Variants in UGT1A8 observed in about 807,000 individuals in gnomAD.
UGT1A8 encodes the protein UDP-glucuronosyltransferase 1A8.
Under a neutral mutation model 45.3 loss-of-function variants are expected in UGT1A8, and 39 were observed. The ratio of observed to expected loss-of-function variants is 0.86; its 90% CI spans 0.67 to 1.12. The LOEUF is 1.12. UGT1A8 is among the 50% of genes most tolerant of loss of function. The pLI, the probability that UGT1A8 is intolerant of heterozygous loss-of-function variation, is 0.00. For synonymous variants in UGT1A8, 275 were observed against 249.2 expected (o/e 1.10, Z -0.97); for missense variants, 719 against 664.9 (o/e 1.08, Z -0.90).
chr2:233,755,331 G>A (rs568550751), intron 1 of UGT1A8: 25 of 462,098 alleles, frequency 5.4e-5, no homozygotes, highest in Admixed American at 1.1e-4. Flanking sequence ...GCCAGCACCC[G>A]CGCACAGGTC....
At chr2:233,631,555 T>C (rs1238460773) in intron 1 of UGT1A8, among the ~76,000 whole-genome samples, 1 of 152,172 alleles carries the variant, frequency 6.6e-6, no homozygotes, top group African/African-American at 2.4e-5. Context: ...TGGTATCTCA[T>C]TGTGGTTTTG....
Position 233,772,833 on chromosome 2 carries a change from T to A in UGT1A8, c.*274T>A. The A allele has an allele frequency of 1.1e-6, 1 of 879,514 alleles. No homozygotes were observed. Among genetic ancestry groups the A allele is most frequent in the Non-Finnish European group, 1.6e-6 (1 of 630,664 alleles). The allele number at this position is 879,514 out of a possible 1,614,324, so 54.5% of individuals were successfully genotyped here. A position where few individuals can be genotyped will look rare whatever the true frequency, so the allele number is the denominator to read the frequency against. ...AGGACGTGCAGACAGGCTGGCATTC[T>A]AGATTACTTTTCTTACTCTGAAACA... On this transcript the variant is annotated 3_prime_UTR_variant, in exon 5 of 5. Coordinates refer to ENST00000373450, the MANE Select transcript of UGT1A8 (RefSeq NM_019076.5).
At chr2:233,656,107 T>C (rs1208871768) in intron 1 of UGT1A8, among the ~76,000 whole-genome samples, 1 of 152,128 alleles carries the variant, frequency 6.6e-6, no homozygotes, top group Non-Finnish European at 1.5e-5. Flanking sequence ...AACATACATA[T>C]TCACCAGGTT....
rs28898623 is a variant in UGT1A8, at chr2:233,737,700, C to T, written c.856-29334C>T. On this transcript the variant is annotated intron_variant, in intron 1 of 4. Coordinates refer to ENST00000373450, the MANE Select transcript of UGT1A8 (RefSeq NM_019076.5). ...ATTTGGCCATTGGTGCTGAAGCTTC[C>T]GTTCTCCTCTCCAACACCTCCTTTT... Among the ~76,000 whole-genome samples the T allele has an allele frequency of 1.4e-3, 213 of 152,228 alleles. 1 individual carries two copies. The highest frequency in any genetic ancestry group is 4.8e-3 in the African/African-American group (199 of 41,534).
At chr2:233,630,115 C>A (rs976562425) in intron 1 of UGT1A8, among the ~76,000 whole-genome samples, 6 of 151,902 alleles carry the variant, frequency 3.9e-5, no homozygotes, top group African/African-American at 1.5e-4. Flanking sequence ...GCTTTGGTTT[C>A]ATTAATTTTG....
chr2:233,685,997 A>C (rs1480278906), intron 1 of UGT1A8, among the ~76,000 whole-genome samples: 1 of 152,210 alleles, frequency 6.6e-6, no homozygotes, highest in Non-Finnish European at 1.5e-5. Flanking sequence ...AATCCTGTAC[A>C]TCCTTTGCCT....
chr2:233,736,374 G>A lies in UGT1A8; in HGVS notation c.856-30660G>A, dbSNP rs183988627. On this transcript the variant is annotated intron_variant, in intron 1 of 4. Coordinates refer to ENST00000373450, the MANE Select transcript of UGT1A8 (RefSeq NM_019076.5). ...TTTCAGCTCCATCAGGTCATTTAAG[G>A]TCTTCTCTACAGTGTTTATTCTAGT... Among the ~76,000 whole-genome samples the A allele has an allele frequency of 2.8e-3, 425 of 152,220 alleles. 22 individuals carry two copies. The South Asian group carries it at 0.086, about 31-fold the overall frequency.
intron 1 of UGT1A8, chr2:233,747,267 CCTT>C: frequency 6.3e-7 from 1 of 1,599,532 alleles, no homozygotes; most frequent in Non-Finnish European, 8.5e-7. Context: ...GAGTGCTACT[CCTT>C]CTCAGTGCCC....
At chr2:233,674,739 T>A (rs1327619625) in intron 1 of UGT1A8, among the ~76,000 whole-genome samples, 1 of 152,192 alleles carries the variant, frequency 6.6e-6, no homozygotes, top group African/African-American at 2.4e-5. Context: ...TTACATATAT[T>A]AATGTATGTA....
chr2:233,738,229 G>GCTCC lies in UGT1A8; in HGVS notation c.856-28804_856-28803insTCCC, dbSNP rs56839564. ...CTGCCAGGATTATAAGTTTCCTGAGGCCCCTCCAGCCACATGGAACTGGAG... is the reference window on the plus strand; with the variant it reads ...CTGCCAGGATTATAAGTTTCCTGAGGCTCCCCCCTCCAGCCACATGGAACTGGAG... On this transcript the variant is annotated intron_variant, in intron 1 of 4. Transcript: ENST00000373450. Among the ~76,000 whole-genome samples, 1,480 of 152,188 alleles carry GCTCC rather than the reference G, an allele frequency of 9.7e-3. 33 individuals are homozygous for GCTCC. The highest frequency in any genetic ancestry group is 0.033 in the African/African-American group (1,389 of 41,506).
Position 233,767,098 on chromosome 2 carries a change from T to C in UGT1A8, c.920T>C (p.Met307Thr). 1.2e-6 allele frequency: 2 copies of C among 1,614,160 alleles called. No homozygotes were observed. Among genetic ancestry groups the C allele is most frequent in the Non-Finnish European group, 8.5e-7 (1 of 1,180,018 alleles). The change falls in exon 2 of 5, where the codon ATG (methionine) becomes ACG (threonine). Residue 307 changes from methionine to threonine, a missense_variant. Transcript: ENST00000373450. Reference protein sequence around the residue: ...HGIVVFSLGSMVSEIPEKKAM... With the variant: ...HGIVVFSLGSTVSEIPEKKAM... ...ATTGTGGTTTTCTCTTTGGGATCAA[T>C]GGTCTCAGAAATTCCAGAGAAGAAA... is the stretch of plus-strand genomic sequence containing the variant.
At chr2:233,684,762 T>A (rs1173403958) in intron 1 of UGT1A8, among the ~76,000 whole-genome samples, 1 of 152,128 alleles carries the variant, frequency 6.6e-6, no homozygotes, top group African/African-American at 2.4e-5. Flanking sequence ...AGAATTCAGA[T>A]CATAAAGAGT....
chr2:233,648,336 C>T (rs1286233848), intron 1 of UGT1A8: 37 of 466,276 alleles, frequency 7.9e-5, no homozygotes, highest in African/African-American at 4.1e-4. Flanking sequence ...CGGTGGTCTT[C>T]GCCAGAGGAA....
At chr2:233,642,690 C>T (rs952855315) in intron 1 of UGT1A8, among the ~76,000 whole-genome samples, 4 of 152,202 alleles carry the variant, frequency 2.6e-5, no homozygotes, top group Non-Finnish European at 5.9e-5. Context: ...TTTGAAAGGA[C>T]TTAGGTGTTG....
intron 1 of UGT1A8, chr2:233,743,959 C>A (rs371517697): frequency 5.2e-6 from 7 of 1,333,990 alleles, no homozygotes; most frequent in Non-Finnish European, 7.0e-6. Context: ...GCACAGCGAG[C>A]GGCAAGGCTG....
chr2:233,711,913 T>C (rs1304030043), intron 1 of UGT1A8, among the ~76,000 whole-genome samples: 1 of 152,170 alleles, frequency 6.6e-6, no homozygotes, highest in Non-Finnish European at 1.5e-5. Context: ...CCATTGTGAG[T>C]GCTCAGGGTC....
chr2:233,661,017 A>G (rs2073951926), intron 1 of UGT1A8, among the ~76,000 whole-genome samples: 1 of 152,120 alleles, frequency 6.6e-6, no homozygotes, highest in African/African-American at 2.4e-5. Context: ...TTCTCAGGTC[A>G]TATTAGAGTA....
intron 1 of UGT1A8, chr2:233,689,812 CA>C (rs1339499573): frequency 6.8e-6 from 3 of 440,050 alleles, no homozygotes; most frequent in Non-Finnish European, 1.4e-5. Context: ...TATAGGAAAC[CA>C]AACATCTCTG....
At chr2:233,698,965 A>G (rs2075473391) in intron 1 of UGT1A8, among the ~76,000 whole-genome samples, 1 of 152,180 alleles carries the variant, frequency 6.6e-6, no homozygotes, top group Admixed American at 6.5e-5. Context: ...GCCCTTGGGG[A>G]AGCCCTTTGG....
Sources: gnomAD v4.1 joint callset for allele counts (sites outside exome capture counted in the v4.1 genomes callset) on GRCh38, gnomAD v4.1.1 for gene constraint, MANE v1.5 for transcripts, NCBI Gene and HGNC (gene_info 2026-07-23, HGNC 2026-07-21) for gene names.